Variants in LRRC40 observed in about 807,000 individuals in gnomAD.
LRRC40 encodes the protein leucine-rich repeat-containing protein 40.
In LRRC40, 76 loss-of-function variants were observed where a neutral mutation model predicts 72.8. The ratio of observed to expected loss-of-function variants is 1.04; its 90% CI spans 0.87 to 1.26. The LOEUF is 1.26. Ranked by LOEUF, LRRC40 falls within the 50% of genes most tolerant of loss-of-function variation. The probability of loss-of-function intolerance (pLI) is 0.00; values close to 1 mark genes in which losing one functional copy is unlikely to be tolerated. For missense variants in LRRC40, 684 were observed against 698.9 expected, an observed-to-expected ratio of 0.98 and a Z score of 0.24; for synonymous variants, 243 against 254.2, an observed-to-expected ratio of 0.96 and a Z score of 0.42.
Position 70,159,457 on chromosome 1 carries a change from T to A in LRRC40, c.1112-19A>T, listed in dbSNP as rs769376962. 9 of 1,120,188 alleles carry A rather than the reference T, an allele frequency of 8.0e-6. No homozygotes were observed. Among genetic ancestry groups the A allele is most frequent in the Non-Finnish European group, 1.2e-5 (9 of 743,808 alleles). 69.4% of individuals were successfully genotyped at this position (1,120,188 alleles called of 1,614,324 possible). A position where few individuals can be genotyped will look rare whatever the true frequency, so the allele number is the denominator to read the frequency against. On this transcript the variant is annotated intron_variant, in intron 9 of 14. Coordinates refer to ENST00000370952, the MANE Select transcript of LRRC40 (RefSeq NM_017768.5). Reference sequence around the variant, plus strand: ...CCATCATCTGGCAAAAGAAAACTTATATGAAGCCAATATTTATACTACAAA... The same window carrying A: ...CCATCATCTGGCAAAAGAAAACTTAAATGAAGCCAATATTTATACTACAAA...
chr1:70,163,287 T>A (rs576638965), intron 9 of LRRC40, among the ~76,000 whole-genome samples: 6 of 152,046 alleles, frequency 3.9e-5, no homozygotes, highest in Non-Finnish European at 5.9e-5. Context: ...CGGGGTTTCA[T>A]CATCTTGGCC....
Position 70,205,393 on chromosome 1 carries a change from C to G in LRRC40, c.148G>C (p.Glu50Gln). 6.3e-7 allele frequency: 1 copy of G among 1,589,574 alleles called. No individual in the cohort carries two copies. The highest frequency in any genetic ancestry group is 1.7e-5 in the Admixed American group (1 of 59,448). The change falls in exon 1 of 15, where the codon GAA becomes CAA. Residue 50 changes from glutamate (E) to glutamine (Q), a missense_variant. Transcript: ENST00000370952. ...GGGTCGTACCTCTGGGTCTTACCTT[C>G]ACTGAGGTTTCTACCCGACAGGTTT... ...QLNLSGRNLS[E>Q]VPQCVWRINV...
intron 9 of LRRC40, among the ~76,000 whole-genome samples, chr1:70,166,697 T>C (rs183652432): frequency 5.9e-4 from 90 of 152,100 alleles, no homozygotes; most frequent in Non-Finnish European, 1.1e-3. Flanking sequence ...AGAAATTCTT[T>C]TTAAGTAAAT....
At chr1:70,155,897 T>A in intron 10 of LRRC40, 101 bp from the exon 11 acceptor site, 1 of 483,998 alleles carries the variant, frequency 2.1e-6, no homozygotes, top group Non-Finnish European at 3.6e-6. Flanking sequence ...TTTTATGAAA[T>A]TTTTCAAAGC....
intron 6 of LRRC40, among the ~76,000 whole-genome samples, chr1:70,177,354 T>A (rs562671433): frequency 3.8e-4 from 58 of 152,272 alleles, no homozygotes; most frequent in African/African-American, 1.4e-3. Flanking sequence ...TAGTACACAC[T>A]GTACTACTAT....
intron 3 of LRRC40, among the ~76,000 whole-genome samples, chr1:70,186,401 T>C (rs1461742673): frequency 6.6e-6 from 1 of 152,202 alleles, no homozygotes; most frequent in African/African-American, 2.4e-5. Context: ...GAGTTCTAAA[T>C]AATTAGCACC....
intron 9 of LRRC40, among the ~76,000 whole-genome samples, chr1:70,161,743 T>A (rs1667768712): frequency 6.6e-6 from 1 of 152,076 alleles, no homozygotes; most frequent in African/African-American, 2.4e-5. Context: ...TTGGAAAAGC[T>A]GTTGATCCTG....
At chr1:70,148,193 G>A (rs1018296359) in intron 14 of LRRC40, among the ~76,000 whole-genome samples, 5 of 147,052 alleles carry the variant, frequency 3.4e-5, no homozygotes, top group African/African-American at 7.5e-5. Flanking sequence ...ATATTTCCCC[G>A]ACATTTTTAT....
At chr1:70,203,540 A>T (rs1018152502) in intron 1 of LRRC40, among the ~76,000 whole-genome samples, 1 of 152,174 alleles carries the variant, frequency 6.6e-6, no homozygotes, top group Non-Finnish European at 1.5e-5. Context: ...GAGTAGCAAG[A>T]GTGAGATGTA....
chr1:70,153,581 A>G (rs1467757012), intron 11 of LRRC40, among the ~76,000 whole-genome samples: 2 of 152,336 alleles, frequency 1.3e-5, no homozygotes, highest in East Asian at 3.9e-4. Flanking sequence ...TAGAGAAACA[A>G]TATGTTTCCT....
Position 70,178,967 on chromosome 1 carries a change from T to C in LRRC40, c.688A>G (p.Asn230Asp), listed in dbSNP as rs1359591714. ...TCAGGAGGTATAGTTTCCAAGAGAT[T>C]TGAATTACAATCCAAATGCTTCAAC... ...KRLKHLDCNS[N>D]LLETIPPELA... The change falls in exon 6 of 15, where the codon AAT becomes GAT. Residue 230 changes from asparagine (N) to aspartate (D), a missense_variant. Transcript: ENST00000370952. 4.4e-6 allele frequency: 7 copies of C among 1,599,484 alleles called. No individual in the cohort carries two copies. The highest frequency in any genetic ancestry group is 4.5e-5 in the East Asian group (2 of 44,608).
Position 70,155,704 on chromosome 1 carries a change from CAT to C in LRRC40, c.1311_1312del (p.Cys438Ter). The C allele has an allele frequency of 6.5e-7, 1 of 1,529,490 alleles. No homozygotes were observed. Among genetic ancestry groups the C allele is most frequent in the Non-Finnish European group, 8.9e-7 (1 of 1,123,448 alleles). 94.7% of individuals were successfully genotyped at this position (1,529,490 alleles called of 1,614,324 possible). On this transcript the variant is annotated frameshift_variant, in exon 11 of 15. Coordinates refer to ENST00000370952, the MANE Select transcript of LRRC40 (RefSeq NM_017768.5). LOFTEE classifies it high-confidence loss of function. ...TAGTTCTTACCTTTTTGGAATTTCA[CAT>C]AGTTGATTCTTACTGAAGTTAATAG...
At chr1:70,202,186 C>T (rs1668755744) in intron 1 of LRRC40, among the ~76,000 whole-genome samples, 1 of 152,034 alleles carries the variant, frequency 6.6e-6, no homozygotes, top group Admixed American at 6.5e-5. Flanking sequence ...TGATCATGCT[C>T]CTAGGCTCTT....
At chr1:70,153,113 C>G (rs953356099) in intron 11 of LRRC40, among the ~76,000 whole-genome samples, 1 of 152,078 alleles carries the variant, frequency 6.6e-6, no homozygotes, top group Admixed American at 6.6e-5. Context: ...ATAATCTCAG[C>G]ACTTTAGGAG....
chr1:70,187,566 T>C (rs986524824), intron 2 of LRRC40, among the ~76,000 whole-genome samples: 1 of 151,852 alleles, frequency 6.6e-6, no homozygotes, highest in Non-Finnish European at 1.5e-5. Flanking sequence ...GGCTCACACC[T>C]GTAATCCCAG....
At chr1:70,184,737 A>T (rs1162485457) in intron 4 of LRRC40, 48 bp downstream of exon 4, 1 of 1,534,414 alleles carries the variant, frequency 6.5e-7, no homozygotes, top group Non-Finnish European at 8.8e-7. Flanking sequence ...CCTGATGAAA[A>T]ATCCCACCAG....
At position 70,200,719 on chromosome 1, in the gene LRRC40, T is replaced by C. The variant is rs143411945; in HGVS notation, c.151+4671A>G. 4.5e-3 allele frequency among the ~76,000 whole-genome samples: 682 copies of C among 152,276 alleles called. 5 individuals are homozygous for C. The highest frequency in any genetic ancestry group is 0.016 in the African/African-American group (669 of 41,530). On this transcript the variant is annotated intron_variant, in intron 1 of 14. Transcript: ENST00000370952. ...AAACAATAAATGCTATTTGAATAAG[T>C]ATCTGTGTAACTCCCTATAGCATAC...
intron 1 of LRRC40, among the ~76,000 whole-genome samples, chr1:70,193,418 C>G (rs189757642): frequency 4.0e-5 from 6 of 151,048 alleles, no homozygotes; most frequent in Non-Finnish European, 7.4e-5. Context: ...AAAAAAAGTA[C>G]AACCACAATA....
chr1:70,183,999 A>C (rs1668306094), intron 4 of LRRC40, among the ~76,000 whole-genome samples: 1 of 152,178 alleles, frequency 6.6e-6, no homozygotes, highest in Non-Finnish European at 1.5e-5. Flanking sequence ...CCGTAATGCC[A>C]GAACTTTGGG....
Sources: allele counts gnomAD v4.1 joint callset (sites outside exome capture counted in the v4.1 genomes callset), GRCh38; gene constraint gnomAD v4.1.1; transcripts MANE v1.5; gene names NCBI Gene and HGNC (gene_info 2026-07-23, HGNC 2026-07-21).